CDH18: variants seen among roughly 807,000 people sequenced by gnomAD.
The protein encoded by CDH18 is cadherin-18.
A neutral mutation model predicts 67.9 loss-of-function variants in CDH18; 31 were observed. The ratio of observed to expected loss-of-function variants is 0.46; its 90% CI spans 0.34 to 0.62. The LOEUF (loss-of-function observed/expected upper bound fraction) is 0.62. CDH18 is among the 20% of genes least tolerant of loss of function. The pLI, the probability that CDH18 is intolerant of heterozygous loss-of-function variation, is 0.01. For missense variants in CDH18, 890 were observed against 975.5 expected (o/e 0.91, Z 1.17); for synonymous variants, 362 against 347.2 (o/e 1.04, Z -0.48).
intron 1 of CDH18, among the ~76,000 whole-genome samples, chr5:20,545,184 G>C (rs1317650339): frequency 1.3e-5 from 2 of 152,198 alleles, no homozygotes; most frequent in Non-Finnish European, 2.9e-5. Flanking sequence ...TGCCTCTGTG[G>C]CTAGTCAGGG....
At chr5:19,538,237 G>C (rs1580085633) in intron 9 of CDH18, among the ~76,000 whole-genome samples, 1 of 152,136 alleles carries the variant, frequency 6.6e-6, no homozygotes, top group African/African-American at 2.4e-5. Flanking sequence ...AGCCTTTTGA[G>C]ACCTTAAGTA....
intron 6 of CDH18, among the ~76,000 whole-genome samples, chr5:19,607,358 G>A: frequency 6.6e-6 from 1 of 150,700 alleles, no homozygotes; most frequent in Non-Finnish European, 1.5e-5. Context: ...GACAAAAATA[G>A]AAAAAACAAC....
chr5:20,549,368 G>A (rs1757512514), intron 1 of CDH18, among the ~76,000 whole-genome samples: 1 of 152,054 alleles, frequency 6.6e-6, no homozygotes, highest in Non-Finnish European at 1.5e-5. Context: ...TCAGGTGTCT[G>A]TGTGTCTTCT....
At chr5:19,653,039 T>C (rs1301102412) in intron 5 of CDH18, among the ~76,000 whole-genome samples, 3 of 152,046 alleles carry the variant, frequency 2.0e-5, no homozygotes, top group African/African-American at 7.2e-5. Context: ...ATATGCTTTG[T>C]GGGAAAACAC....
At chr5:20,304,198 T>G in intron 1 of CDH18, 1 of 1,498,486 alleles carries the variant, frequency 6.7e-7, no homozygotes, top group South Asian at 1.1e-5. Context: ...TTTTCCCTGT[T>G]GGCGTACGTG....
chr5:20,349,399 T>C lies in CDH18; in HGVS notation c.-579-93894A>G, dbSNP rs539641122. 5.3e-5 allele frequency among the ~76,000 whole-genome samples: 8 copies of C among 152,304 alleles called. No homozygotes were observed. In the South Asian group the frequency reaches 1.7e-3, roughly 32 times the overall value. On this transcript the variant is annotated intron_variant, in intron 1 of 14. Coordinates refer to the CDH18 transcript ENST00000507958. ...TTCATTGAATACTCGGGAACCTCTG[T>C]CTTTTTTTGCCTCTAATCTTCAGAA...
At chr5:19,740,229 A>G (rs906988852) in intron 4 of CDH18, among the ~76,000 whole-genome samples, 1 of 151,294 alleles carries the variant, frequency 6.6e-6, no homozygotes, top group Non-Finnish European at 1.5e-5. Flanking sequence ...GTATTTAATG[A>G]TAGGTATACT....
intron 11 of CDH18, among the ~76,000 whole-genome samples, chr5:19,490,183 G>C (rs1741172039): frequency 6.6e-6 from 1 of 151,724 alleles, no homozygotes; most frequent in Non-Finnish European, 1.5e-5. Context: ...TTTAACAAGT[G>C]AATGTATAAT....
chr5:19,752,412 C>T (rs1770970838), intron 3 of CDH18, among the ~76,000 whole-genome samples: 1 of 152,038 alleles, frequency 6.6e-6, no homozygotes. Flanking sequence ...CGGCTCTCCC[C>T]CACTTCCTTG....
At chr5:20,251,339 G>C (rs1006962121) in intron 2 of CDH18, among the ~76,000 whole-genome samples, 1 of 151,876 alleles carries the variant, frequency 6.6e-6, no homozygotes, top group Non-Finnish European at 1.5e-5. Flanking sequence ...CTGTATTTTT[G>C]CCATAATGAA....
intron 2 of CDH18, among the ~76,000 whole-genome samples, chr5:19,862,426 G>C (rs1785005697): frequency 6.6e-6 from 1 of 152,174 alleles, no homozygotes; most frequent in South Asian, 2.1e-4. Context: ...TGTATGTCAA[G>C]TTGAGCAGCG....
chr5:20,563,278 A>G (rs1758321640), intron 1 of CDH18, among the ~76,000 whole-genome samples: 1 of 152,132 alleles, frequency 6.6e-6, no homozygotes, highest in African/African-American at 2.4e-5. Flanking sequence ...CATAAATGAA[A>G]GTATCATCTA....
At chr5:20,087,824 T>C (rs1745104490) in intron 2 of CDH18, among the ~76,000 whole-genome samples, 1 of 152,186 alleles carries the variant, frequency 6.6e-6, no homozygotes, top group Non-Finnish European at 1.5e-5. Context: ...TGCAGTGGTC[T>C]GGAACAAAAC....
At chr5:19,996,238 G>A (rs565850840) in intron 2 of CDH18, among the ~76,000 whole-genome samples, 1 of 152,046 alleles carries the variant, frequency 6.6e-6, no homozygotes, top group East Asian at 1.9e-4. Flanking sequence ...GAAAAATGAT[G>A]CATATATTGT....
intron 2 of CDH18, among the ~76,000 whole-genome samples, chr5:19,885,407 A>G (rs571594800): frequency 7.6e-4 from 116 of 152,346 alleles, no homozygotes; most frequent in Admixed American, 2.6e-3. Flanking sequence ...AAGGGACAGT[A>G]AATCTGTAAT....
intron 3 of CDH18, among the ~76,000 whole-genome samples, chr5:19,817,519 T>C (rs1779419912): frequency 6.6e-6 from 1 of 152,002 alleles, no homozygotes; most frequent in Non-Finnish European, 1.5e-5. Context: ...TCAGTGAAAG[T>C]AGTGAGGTAG....
chr5:19,745,782 G>C (rs1459160035), intron 4 of CDH18, among the ~76,000 whole-genome samples: 1 of 152,054 alleles, frequency 6.6e-6, no homozygotes, highest in Non-Finnish European at 1.5e-5. Flanking sequence ...TAAGGAAGAA[G>C]ACCTCACTCT....
intron 2 of CDH18, among the ~76,000 whole-genome samples, chr5:20,043,345 T>C (rs1449459825): frequency 6.6e-6 from 1 of 152,144 alleles, no homozygotes; most frequent in African/African-American, 2.4e-5. Context: ...GCCACCATTA[T>C]AATTTAACTC....
chr5:20,545,637 C>T (rs1117995), intron 1 of CDH18, among the ~76,000 whole-genome samples: 60,126 of 152,052 alleles, frequency 0.4, 13,328 homozygotes, highest in East Asian at 0.56. Context: ...TGCACTAAGT[C>T]CCAAGGCTGC....
Sources: allele counts gnomAD v4.1 joint callset (sites outside exome capture counted in the v4.1 genomes callset), GRCh38; gene constraint gnomAD v4.1.1; transcripts MANE v1.5; gene names NCBI Gene and HGNC (gene_info 2026-07-23, HGNC 2026-07-21).